Variants in PWWP2A observed in about 807,000 individuals in gnomAD.
PWWP2A encodes PWWP domain-containing protein 2A.
Under a neutral mutation model 48.5 loss-of-function variants are expected in PWWP2A, and 18 were observed. The ratio of observed to expected loss-of-function variants is 0.37; its 90% CI spans 0.26 to 0.55. The LOEUF (loss-of-function observed/expected upper bound fraction) is 0.55, where lower values mean the gene tolerates loss of function less well. Among genes scored for constraint, PWWP2A ranks in the 20% least tolerant of loss-of-function variants. The pLI is 0.81. For missense variants in PWWP2A, 867 were observed against 976.4 expected (o/e 0.89, Z 1.49); for synonymous variants, 396 against 387.7 (o/e 1.02, Z -0.25).
At chr5:160,097,336 CAAAAAAA>C (rs70987999) in intron 1 of PWWP2A, among the ~76,000 whole-genome samples, 1 of 34,392 alleles carries the variant, frequency 2.9e-5, no homozygotes, top group Non-Finnish European at 5.0e-5. Flanking sequence ...GCCTTTGTCT[CAAAAAAA>C]AAAAAAAAAA....
intron 1 of PWWP2A, among the ~76,000 whole-genome samples, chr5:160,107,432 G>A (rs1417925366): frequency 6.6e-6 from 1 of 152,158 alleles, no homozygotes; most frequent in Non-Finnish European, 1.5e-5. Context: ...CTGGTACTGT[G>A]TGTCTGAATT....
At chr5:160,053,444 G>A in the PWWP2A span, among the ~76,000 whole-genome samples, 1 of 152,116 alleles carries the variant, frequency 6.6e-6, no homozygotes, top group African/African-American at 2.4e-5. Context: ...TGCACCTGTA[G>A]TCCCAGCTAC....
In PWWP2A at chr5:160,093,085, T is replaced by G. The variant is rs370964045; in HGVS notation, c.1565A>C (p.Glu522Ala). The G allele has an allele frequency of 1.3e-5, 21 of 1,613,648 alleles. No individual in the cohort carries two copies. In the African/African-American group the frequency reaches 2.7e-4, roughly 21 times the overall value. ...AGGGCCTTTTGAGGGACTCTGATTT[T>G]CTGAAGGGGCCTCACCTGCTGAGCG... is the stretch of plus-strand genomic sequence containing the variant. ...STRSAGEAPSENQSPSKGPEE... is the reference protein window; with the variant it reads ...STRSAGEAPSANQSPSKGPEE... The change falls in exon 2 of 2, where the codon GAA becomes GCA. Residue 522 changes from glutamate (E) to alanine (A), a missense_variant. By Grantham distance (107) the Glu-to-Ala change is moderately radical (BLOSUM62 -1). Coordinates refer to ENST00000307063, the MANE Select transcript of PWWP2A (RefSeq NM_001130864.2). This position sits in a 1 kb window ranked among gnomAD's most constrained non-coding sequence, Gnocchi z 5.8.
downstream of PWWP2A, among the ~76,000 whole-genome samples, chr5:160,058,412 T>A (rs1008206385): frequency 6.8e-6 from 1 of 147,422 alleles, no homozygotes; most frequent in East Asian, 2.0e-4. Context: ...TGTATTTCTT[T>A]TTTTTTTTTT....
chr5:160,081,293 C>A (rs1279644555), intron 2 of PWWP2A, among the ~76,000 whole-genome samples: 1 of 135,530 alleles, frequency 7.4e-6, no homozygotes. Context: ...GGCTGGAGTG[C>A]AGTGGCACGA....
At chr5:160,096,653 G>A (rs1041824728) in intron 1 of PWWP2A, among the ~76,000 whole-genome samples, 1 of 152,070 alleles carries the variant, frequency 6.6e-6, no homozygotes, top group Admixed American at 6.6e-5. Flanking sequence ...TTATAGAGAC[G>A]GTGCCTCACT....
Position 160,118,944 on chromosome 5 carries a change from C to A in PWWP2A, c.445G>T (p.Gly149Trp). 1 of 1,597,562 alleles carries A rather than the reference C, an allele frequency of 6.3e-7. No homozygotes were observed. The highest frequency in any genetic ancestry group is 2.3e-5 in the East Asian group (1 of 43,070). ...VAPALVPPAG[G>W]DSTVSQLIPG... is the part of the protein sequence containing the mutation. ...ATCAGTTGCGACACCGTGGAGTCCC[C>A]GCCCGCCGGCGGCACGAGCGCCGGG... is the stretch of plus-strand genomic sequence containing the variant. Residue 149 changes from glycine to tryptophan, a missense_variant, in exon 1 of 2, where the codon GGG becomes TGG. Coordinates refer to ENST00000307063, the MANE Select transcript of PWWP2A (RefSeq NM_001130864.2).
At chr5:160,109,812 ATAAT>A (rs1312681500) in intron 1 of PWWP2A, among the ~76,000 whole-genome samples, 8 of 118,700 alleles carry the variant, frequency 6.7e-5, no homozygotes, top group African/African-American at 2.5e-4. Context: ...TATATATAAA[ATAAT>A]ATAATAATAT....
At position 160,119,366 on chromosome 5, in the gene PWWP2A, G is replaced by GCCGCTGCAGTCGCTGCCC; in HGVS notation, c.22_23insGGGCAGCGACTGCAGCGG (p.Glu7_Ala8insGlyAlaAlaThrAlaAla). 7.3e-7 allele frequency: 1 copy of GCCGCTGCAGTCGCTGCCC among 1,367,650 alleles called. No homozygotes were observed. 84.7% of individuals were successfully genotyped at this position (1,367,650 alleles called of 1,614,324 possible). A position where few individuals can be genotyped will look rare whatever the true frequency, so the allele number is the denominator to read the frequency against. ...CCCGGGGGACGCTGCAGTCGCTGCC[G>GCCGCTGCAGTCGCTGCCC]CCTCTGCAGCCACGGCCGCCATTTT... On this transcript the variant is annotated inframe_insertion, in exon 1 of 2. Coordinates refer to ENST00000307063, the MANE Select transcript of PWWP2A (RefSeq NM_001130864.2).
downstream of PWWP2A, among the ~76,000 whole-genome samples, chr5:160,072,342 TA>T (rs1244705866): frequency 5.3e-5 from 8 of 151,918 alleles, 1 homozygote; most frequent in East Asian, 9.7e-4. Context: ...AAAAGTCAAT[TA>T]AAAAAAATGG....
intron 2 of PWWP2A, among the ~76,000 whole-genome samples, chr5:160,070,799 T>C (rs1753722665): frequency 6.6e-6 from 1 of 152,198 alleles, no homozygotes; most frequent in South Asian, 2.1e-4. Context: ...GCTGCTTGGA[T>C]ATAGCCAAAG....
At position 160,091,376 on chromosome 5, in the gene PWWP2A, G is replaced by GT. The variant is rs368598091; in HGVS notation, c.*1005dup. The GT allele has an allele frequency of 0.13, 107,529 of 846,732 alleles. 160 individuals are homozygous for GT. The highest frequency in any genetic ancestry group is 0.14 in the East Asian group (1,065 of 7,376). 52.5% of individuals were successfully genotyped at this position (846,732 alleles called of 1,614,324 possible). A position where few individuals can be genotyped will look rare whatever the true frequency, so the allele number is the denominator to read the frequency against. Reference sequence around the variant, plus strand: ...TGATTTTATTTACAGCTTTTTTTTGGTTTTTTTTTTTTTTTTTACATTTCA... The same window carrying GT: ...TGATTTTATTTACAGCTTTTTTTTGGTTTTTTTTTTTTTTTTTTACATTTCA... On this transcript the variant is annotated 3_prime_UTR_variant, in exon 2 of 2. Coordinates refer to ENST00000307063, the MANE Select transcript of PWWP2A (RefSeq NM_001130864.2).
In PWWP2A at chr5:160,119,339, T is replaced by C. The variant is rs1039097543; in HGVS notation, c.50A>G (p.Glu17Gly). 7.7e-7 allele frequency: 1 copy of C among 1,301,008 alleles called. No homozygotes were observed. The highest frequency in any genetic ancestry group is 1.0e-6 in the Non-Finnish European group (1 of 1,004,876). 80.6% of individuals were successfully genotyped at this position (1,301,008 alleles called of 1,614,324 possible). A position where few individuals can be genotyped will look rare whatever the true frequency, so the allele number is the denominator to read the frequency against. ...CGGCTCGGCCTCGCCGGCGCCCCCC[T>C]CCCCGGGGGACGCTGCAGTCGCTGC... ...EAAATAASPG[E>G]GGAGEAEPEM... is the part of the protein sequence containing the mutation. Residue 17 changes from glutamate to glycine, a missense_variant, in exon 1 of 2, where the codon GAG becomes GGG. Physicochemically the swap from Glu to Gly is moderately conservative, Grantham distance 98. This residue lies in a region of PWWP2A where 385 missense variants were observed against 396.9 expected (regional missense o/e 0.97). Transcript: ENST00000307063.
chr5:160,080,627 T>C (rs1467596842), intron 3 of PWWP2A: 3 of 1,510,466 alleles, frequency 2.0e-6, no homozygotes, highest in Non-Finnish European at 1.8e-6. Flanking sequence ...CTTCACTTTG[T>C]GGCAGGGCTT....
At chr5:160,098,229 T>C (rs532176540) in intron 1 of PWWP2A, among the ~76,000 whole-genome samples, 2 of 152,338 alleles carry the variant, frequency 1.3e-5, no homozygotes, top group South Asian at 4.1e-4. Flanking sequence ...AAGCGTTAAA[T>C]GCTTTTAGTA....
At position 160,093,608 on chromosome 5, in the gene PWWP2A, A is replaced by G. The variant is rs1755310649; in HGVS notation, c.1042T>C (p.Tyr348His). ...TCATTTCTCCGTTTTTTATCTTCAT[A>G]TTTAGAAGAGTCAGTTGCACTACTA... The part of the protein sequence containing the change: ...KGSSATDSSK[Y>H]EDKKRRNESV... The change falls in exon 2 of 2, where the codon TAT becomes CAT. Residue 348 changes from tyrosine to histidine, a missense_variant. Tyr to His is a moderately conservative substitution (Grantham distance 83). Coordinates refer to ENST00000307063, the MANE Select transcript of PWWP2A (RefSeq NM_001130864.2). The surrounding 1 kb of genome is among the most constrained non-coding windows in gnomAD (Gnocchi z 5.8). The G allele has an allele frequency of 1.2e-6, 2 of 1,613,694 alleles. No individual in the cohort carries two copies. Among genetic ancestry groups the G allele is most frequent in the Non-Finnish European group, 1.7e-6 (2 of 1,179,854 alleles).
intron 1 of PWWP2A, among the ~76,000 whole-genome samples, chr5:160,102,486 C>T (rs563401735): frequency 1.3e-5 from 2 of 150,242 alleles, no homozygotes; most frequent in South Asian, 4.2e-4. Context: ...CACTTGAGGC[C>T]AGGAGTTTAA....
At chr5:160,072,396 CGTT>C (rs1561647346), downstream of PWWP2A, among the ~76,000 whole-genome samples, 3 of 152,130 alleles carry the variant, frequency 2.0e-5, no homozygotes. Flanking sequence ...GTGAAAATAA[CGTT>C]AGCGCATGAG....
the PWWP2A span, among the ~76,000 whole-genome samples, chr5:160,048,452 G>A: frequency 2.0e-5 from 3 of 152,082 alleles, no homozygotes; most frequent in Non-Finnish European, 4.4e-5. Context: ...ACCACACCCG[G>A]CCAGCACTGC....
Sources: gnomAD v4.1 joint callset for allele counts (sites outside exome capture counted in the v4.1 genomes callset) on GRCh38, gnomAD v4.1.1 for gene constraint, gnomAD v4.1.1 regional missense constraint, Gnocchi (gnomAD v3.1) non-coding constraint, MANE v1.5 for transcripts, NCBI Gene and HGNC (gene_info 2026-07-23, HGNC 2026-07-21) for gene names.